The following PIK3C2B variants were observed in gnomAD, a reference collection of about 807,000 sequenced individuals.
PIK3C2B encodes the protein phosphatidylinositol 4-phosphate 3-kinase C2 domain-containing subunit beta.
Under a neutral mutation model 184.3 loss-of-function variants are expected in PIK3C2B, and 83 were observed. The observed-to-expected ratio is 0.45, with a 90% confidence interval of 0.38 to 0.54. The LOEUF is 0.54. Among genes scored for constraint, PIK3C2B ranks in the 20% least tolerant of loss-of-function variants. The pLI, the probability that PIK3C2B is intolerant of heterozygous loss-of-function variation, is 0.00. For synonymous variants in PIK3C2B, 779 were observed against 837.6 expected (o/e 0.93, Z 1.21); for missense variants, 1,736 against 2,113.5 (o/e 0.82, Z 3.50).
At chr1:204,471,640 T>C (rs1444779316) in intron 1 of PIK3C2B, among the ~76,000 whole-genome samples, 6 of 106,924 alleles carry the variant, frequency 5.6e-5, no homozygotes, top group Admixed American at 9.7e-5. Context: ...CATGATGGCT[T>C]CACTGGTATT....
intron 12 of PIK3C2B, among the ~76,000 whole-genome samples, chr1:204,451,319 T>C (rs1302675597): frequency 6.6e-6 from 1 of 152,190 alleles, no homozygotes; most frequent in African/African-American, 2.4e-5. Context: ...GCTTCCAGCT[T>C]CGTGTCTTAA....
chr1:204,438,010 G>A (rs1437394785), intron 23 of PIK3C2B, among the ~76,000 whole-genome samples: 1 of 152,178 alleles, frequency 6.6e-6, no homozygotes, highest in African/African-American at 2.4e-5. Flanking sequence ...GGCCCAGCAG[G>A]CCAGGAATTA....
Position 204,469,201 on chromosome 1 carries a change from T to C in PIK3C2B, c.602A>G (p.Lys201Arg). 1 of 1,611,828 alleles carries C rather than the reference T, an allele frequency of 6.2e-7. No homozygotes were observed. Among genetic ancestry groups the C allele is most frequent in the Non-Finnish European group, 8.5e-7 (1 of 1,178,528 alleles). The change falls in exon 2 of 33, where the codon AAA becomes AGA. Residue 201 changes from lysine to arginine, a missense_variant. Around this residue, in one of 8 missense-constraint regions of PIK3C2B, gnomAD observed 404 missense variants for 418.0 expected, o/e 0.97. Coordinates refer to ENST00000684373, the MANE Select transcript of PIK3C2B (RefSeq NM_001377334.1). Reference sequence around the variant, plus strand: ...TTCTAGGATCCGATGCTCTAGCAGTTTGCCCGGCAATTGTTCGACCAAAGA... The same window carrying C: ...TTCTAGGATCCGATGCTCTAGCAGTCTGCCCGGCAATTGTTCGACCAAAGA... ...TFSLVEQLPG[K>R]LLEHRILEEE...
chr1:204,491,218 T>C (rs898722651), intron 1 of PIK3C2B, among the ~76,000 whole-genome samples: 1 of 151,702 alleles, frequency 6.6e-6, no homozygotes, highest in African/African-American at 2.4e-5. Flanking sequence ...TGAAACCCTG[T>C]CTCTACTAAA....
In PIK3C2B at chr1:204,425,596, C is replaced by G. The variant is rs764150296; in HGVS notation, c.4716+17G>C. On this transcript the variant is annotated intron_variant, in intron 32 of 32. Transcript: ENST00000684373. Reference sequence around the variant, plus strand: ...GGTTGCCAACCCCTGCCCTACCCCACCATTTTCCCCACCCACCATCTCATT... The same window carrying G: ...GGTTGCCAACCCCTGCCCTACCCCAGCATTTTCCCCACCCACCATCTCATT... 17 of 1,613,770 alleles carry G rather than the reference C, an allele frequency of 1.1e-5. No individual in the cohort carries two copies. In the Admixed American group the frequency reaches 2.2e-4, roughly 21 times the overall value.
chr1:204,457,943 C>A, intron 8 of PIK3C2B, 69 bp from the exon 9 acceptor site: 5 of 1,428,882 alleles, frequency 3.5e-6, no homozygotes, highest in Non-Finnish European at 4.8e-6. Flanking sequence ...CCCCTCCCCA[C>A]CCCAGTCTTT....
chr1:204,464,176 G>T lies in PIK3C2B; in HGVS notation c.1190-44C>A, dbSNP rs183399598. 101 of 1,606,736 alleles carry T rather than the reference G, an allele frequency of 6.3e-5. No individual in the cohort carries two copies. In the East Asian group the frequency reaches 2.2e-3, roughly 34 times the overall value. On this transcript the variant is annotated intron_variant, in intron 4 of 32. Transcript: ENST00000684373. The stretch of plus-strand genomic sequence containing the variant: ...GGGGAGCAATCATGATGGATGTCAA[G>T]GCAGATGGGTCTCAGTTTCCCCACC...
At chr1:204,486,098 C>A (rs78225322) in intron 1 of PIK3C2B, among the ~76,000 whole-genome samples, 6,740 of 152,234 alleles carry the variant, frequency 0.044, 266 homozygotes, top group African/African-American at 0.096. Context: ...CATTAGCCCA[C>A]TAATCTTAAG....
chr1:204,429,935 G>A lies in PIK3C2B; in HGVS notation c.4384C>T (p.Pro1462Ser), dbSNP rs537055085. The change falls in exon 29 of 33, where the codon CCT becomes TCT. Residue 1462 changes from proline to serine, a missense_variant. Around this residue, in one of 8 missense-constraint regions of PIK3C2B, gnomAD observed 200 missense variants for 199.1 expected, o/e 1.00. Transcript: ENST00000684373. ...GYIWHLIHAP[P>S]EVAECDLVYT... is the part of the protein sequence containing the mutation. The stretch of plus-strand genomic sequence containing the variant: ...AGCCCACCCACCTCGGCCACCTCAG[G>A]GGGTGCGTGGATCAAGTGCCAGATG... 2.3e-5 allele frequency: 37 copies of A among 1,609,794 alleles called. No individual in the cohort carries two copies. The highest frequency in any genetic ancestry group is 3.1e-5 in the Non-Finnish European group (37 of 1,177,368).
Position 204,464,103 on chromosome 1 carries a change from G to C in PIK3C2B, c.1219C>G (p.Gln407Glu). 1 of 1,614,054 alleles carries C rather than the reference G, an allele frequency of 6.2e-7. No individual in the cohort carries two copies. The highest frequency in any genetic ancestry group is 8.5e-7 in the Non-Finnish European group (1 of 1,179,942). Residue 407 changes from glutamine (Q) to glutamate (E), a missense_variant, in exon 5 of 33, where the codon CAG becomes GAG. Around this residue, in one of 8 missense-constraint regions of PIK3C2B, gnomAD observed 609 missense variants for 699.2 expected, o/e 0.87. Transcript: ENST00000684373. The stretch of plus-strand genomic sequence containing the variant: ...TCATCATGGGTGTAGCACAGGGTCT[G>C]GTAGATAAGCAAGTCTACAGTGGAG... ...CSSTVDLLIYQTLCYTHDDLR... is the reference protein window; with the variant it reads ...CSSTVDLLIYETLCYTHDDLR...
In PIK3C2B at chr1:204,431,660, G is replaced by A; in HGVS notation, c.4280+9C>T. The A allele has an allele frequency of 6.2e-7, 1 of 1,613,866 alleles. No individual in the cohort carries two copies. The highest frequency in any genetic ancestry group is 1.1e-5 in the South Asian group (1 of 91,066). Reference sequence around the variant, plus strand: ...ATCCCTCTGTGCAGATAGTAAAGGGGGCAGCTACCTGGGCAAGTGGGAAGA... The same window carrying A: ...ATCCCTCTGTGCAGATAGTAAAGGGAGCAGCTACCTGGGCAAGTGGGAAGA... On this transcript the variant is annotated intron_variant, in intron 28 of 32. Coordinates refer to ENST00000684373, the MANE Select transcript of PIK3C2B (RefSeq NM_001377334.1).
intron 12 of PIK3C2B, among the ~76,000 whole-genome samples, chr1:204,452,704 T>C (rs2942131): frequency 7.1e-6 from 1 of 139,996 alleles, no homozygotes. Context: ...GCCCAGGCTA[T>C]AGTGCAGTGG....
Position 204,464,466 on chromosome 1 carries a change from G to A in PIK3C2B, c.1173C>T (p.Leu391=), listed in dbSNP as rs373308778. The A allele has an allele frequency of 6.2e-7, 1 of 1,613,502 alleles. No individual in the cohort carries two copies. Residue 391 remains leucine (L), a synonymous_variant, in exon 4 of 33, where the codon CTC becomes CTT. Transcript: ENST00000684373. The part of the protein sequence containing the change: ...TVLCDRLQEA[L]TFTCNCSSTV... ...CTAACTTACAGTTGCAGGTGAAAGT[G>A]AGTGCCTCTTGAAGCCTGTCACACA...
chr1:204,459,763 C>G, intron 8 of PIK3C2B, 115 bp downstream of exon 8: 1 of 866,682 alleles, frequency 1.2e-6, no homozygotes. Context: ...GCTCTGCCAA[C>G]AGATTTTCAG....
In PIK3C2B at chr1:204,465,224, C is replaced by G. The variant is rs1463973147; in HGVS notation, c.1029G>C (p.Leu343=). ...CCCCATTCTTTAACTCTTACATATC[C>G]AGCATGTGGCAAAATGCAGCAACCT... is the stretch of plus-strand genomic sequence containing the variant. ...DEEVAAFCHM[L]DILRSGSDIQ... Residue 343 remains leucine, a synonymous_variant, in exon 3 of 33, where the codon CTG becomes CTC. Coordinates refer to ENST00000684373, the MANE Select transcript of PIK3C2B (RefSeq NM_001377334.1). The G allele has an allele frequency of 2.7e-6, 4 of 1,507,132 alleles. No individual in the cohort carries two copies. In the African/African-American group the frequency reaches 5.7e-5, roughly 21 times the overall value. 93.4% of individuals were successfully genotyped at this position (1,507,132 alleles called of 1,614,324 possible).
chr1:204,469,857 C>G lies in PIK3C2B; in HGVS notation c.-55G>C, dbSNP rs1656153966. 3 of 1,280,732 alleles carry G rather than the reference C, an allele frequency of 2.3e-6. No individual in the cohort carries two copies. In the African/African-American group the frequency reaches 4.4e-5, roughly 19 times the overall value. 79.3% of individuals were successfully genotyped at this position (1,280,732 alleles called of 1,614,324 possible). ...TCTCTACTTCCTGCCAACGTCAGTT[C>G]TGGAGGGTTGTGACATGGTGTCTGG... is the stretch of plus-strand genomic sequence containing the variant. On this transcript the variant is annotated 5_prime_UTR_variant, in exon 2 of 33. Transcript: ENST00000684373.
chr1:204,456,924 A>ACACCCCC, intron 10 of PIK3C2B, 113 bp downstream of exon 10: 6 of 546,702 alleles, frequency 1.1e-5, no homozygotes, highest in African/African-American at 7.9e-5. Context: ...ACACACACAC[A>ACACCCCC]CCAGCCGAAC....
chr1:204,439,174 T>G, intron 22 of PIK3C2B, 103 bp from the exon 23 acceptor site: 1 of 1,189,056 alleles, frequency 8.4e-7, no homozygotes, highest in Non-Finnish European at 1.2e-6. Context: ...AATTAAGCTG[T>G]AAGGCATTTG....
Position 204,433,537 on chromosome 1 carries a change from G to T in PIK3C2B, c.3844-112C>A. The T allele has an allele frequency of 1.3e-6, 1 of 774,962 alleles. No homozygotes were observed. 48.0% of individuals were successfully genotyped at this position (774,962 alleles called of 1,614,324 possible). A position where few individuals can be genotyped will look rare whatever the true frequency, so the allele number is the denominator to read the frequency against. ...AGCTAGGCTCCCTAACCCTTCTAGA[G>T]GGTGGTAGACAGATGCTGTGGGCAG... is the stretch of plus-strand genomic sequence containing the variant. On this transcript the variant is annotated intron_variant, in intron 25 of 32. Transcript: ENST00000684373. This position sits in a 1 kb window ranked among gnomAD's most constrained non-coding sequence, Gnocchi z 5.0.
Sources: gnomAD v4.1 joint callset for allele counts (sites outside exome capture counted in the v4.1 genomes callset) on GRCh38, gnomAD v4.1.1 for gene constraint, gnomAD v4.1.1 regional missense constraint, Gnocchi (gnomAD v3.1) non-coding constraint, MANE v1.5 for transcripts, NCBI Gene and HGNC (gene_info 2026-07-23, HGNC 2026-07-21) for gene names.